MAPK10: variants seen among roughly 807,000 people sequenced by gnomAD.
MAPK10 encodes mitogen-activated protein kinase 10, also known as JNK3 alpha protein kinase.
MAPK10 carries 25 observed loss-of-function variants against 59.3 expected under a neutral mutation model. The ratio of observed to expected loss-of-function variants is 0.42; its 90% CI spans 0.31 to 0.59. MAPK10 has a LOEUF of 0.59. MAPK10 is among the 20% of genes least tolerant of loss of function. The probability of loss-of-function intolerance (pLI) is 0.15; values close to 1 mark genes in which losing one functional copy is unlikely to be tolerated. For synonymous variants in MAPK10, 190 were observed against 200.5 expected (o/e 0.95, Z 0.44); for missense variants, 351 against 568.9 (o/e 0.62, Z 3.90).
intron 2 of MAPK10, among the ~76,000 whole-genome samples, chr4:86,330,640 T>C (rs1413384637): frequency 1.3e-5 from 2 of 152,140 alleles, no homozygotes; most frequent in Non-Finnish European, 2.9e-5. Context: ...GTGAAGGATG[T>C]GTTTGCTTCC....
intron 5 of MAPK10, among the ~76,000 whole-genome samples, chr4:86,104,475 T>C (rs2056173489): frequency 1.3e-5 from 2 of 152,162 alleles, no homozygotes; most frequent in Admixed American, 1.3e-4. Context: ...GAAAAATGAC[T>C]ATGAAGTACA....
chr4:86,238,978 G>C (rs1335620365), intron 2 of MAPK10, among the ~76,000 whole-genome samples: 3 of 152,104 alleles, frequency 2.0e-5, no homozygotes, highest in Non-Finnish European at 4.4e-5. Context: ...TATTGGCTAT[G>C]GGTTTGTCAT....
chr4:86,562,374 T>C (rs1760743578), intron 1 of MAPK10, among the ~76,000 whole-genome samples: 1 of 152,246 alleles, frequency 6.6e-6, no homozygotes, highest in African/African-American at 2.4e-5. Context: ...TAACATCAGA[T>C]GCCAATCTAC....
At chr4:86,141,056 G>A (rs538904670) in intron 4 of MAPK10, among the ~76,000 whole-genome samples, 15 of 152,078 alleles carry the variant, frequency 9.9e-5, no homozygotes, top group Non-Finnish European at 1.8e-4. Flanking sequence ...ATTTTATTTA[G>A]ACATGAGGAA....
chr4:86,030,146 G>A (rs1227397329), intron 12 of MAPK10, among the ~76,000 whole-genome samples: 1 of 151,842 alleles, frequency 6.6e-6, no homozygotes, highest in Non-Finnish European at 1.5e-5. Flanking sequence ...AGCCCCTAAG[G>A]AGTGCCTTCC....
chr4:86,042,298 G>A (rs765284682), intron 11 of MAPK10, among the ~76,000 whole-genome samples: 15 of 152,172 alleles, frequency 9.9e-5, no homozygotes, highest in Non-Finnish European at 2.1e-4. Flanking sequence ...ACAGGGAGGA[G>A]AACATCACAC....
chr4:86,193,829 G>A (rs953952857), intron 3 of MAPK10: 15 of 158,098 alleles, frequency 9.5e-5, no homozygotes, highest in Non-Finnish European at 1.7e-4. Context: ...TAGCTAGCTT[G>A]GTGTCTGCCC....
At chr4:86,547,222 A>T (rs1489847555) in intron 1 of MAPK10, among the ~76,000 whole-genome samples, 1 of 152,122 alleles carries the variant, frequency 6.6e-6, no homozygotes, top group South Asian at 2.1e-4. Flanking sequence ...CTTTGGCGGC[A>T]CCTGAGGAGC....
intron 3 of MAPK10, among the ~76,000 whole-genome samples, chr4:86,174,735 C>T (rs2149268198): frequency 6.6e-6 from 1 of 152,230 alleles, no homozygotes; most frequent in African/African-American, 2.4e-5. Context: ...CCTTGCTCAC[C>T]TGAATTGGAA....
intron 1 of MAPK10, among the ~76,000 whole-genome samples, chr4:86,544,309 C>CA (rs1484304816): frequency 6.6e-6 from 1 of 152,104 alleles, no homozygotes; most frequent in Non-Finnish European, 1.5e-5. Flanking sequence ...AAATTAAAAA[C>CA]AAAAAGGCAT....
intron 1 of MAPK10, among the ~76,000 whole-genome samples, chr4:86,580,535 T>C (rs936285298): frequency 9.2e-5 from 14 of 152,206 alleles, no homozygotes; most frequent in African/African-American, 3.1e-4. Flanking sequence ...TTAATGTTCT[T>C]ACTTTGCCTT....
intron 2 of MAPK10, among the ~76,000 whole-genome samples, chr4:86,295,037 A>G (rs1271182422): frequency 1.3e-5 from 2 of 152,200 alleles, no homozygotes; most frequent in Non-Finnish European, 2.9e-5. Context: ...TGGTACAGCT[A>G]AATAAGGCCT....
chr4:86,289,211 G>A (rs534502331), intron 2 of MAPK10, among the ~76,000 whole-genome samples: 4 of 152,204 alleles, frequency 2.6e-5, no homozygotes, highest in South Asian at 2.1e-4. Flanking sequence ...GGAGATGCTC[G>A]GATGAGTGTG....
At chr4:86,295,024 G>C (rs1252826893) in intron 2 of MAPK10, among the ~76,000 whole-genome samples, 3 of 152,144 alleles carry the variant, frequency 2.0e-5, no homozygotes, top group African/African-American at 7.2e-5. Context: ...GGTATCACTC[G>C]CATGGTACAG....
In MAPK10 at chr4:86,304,884, A is replaced by G. The variant is rs567049799; in HGVS notation, c.-7+49646T>C. On this transcript the variant is annotated intron_variant, in intron 2 of 13. Coordinates refer to ENST00000641462, the MANE Select transcript of MAPK10 (RefSeq NM_138982.4). ...TACACACTTAACTCAGGAAAATCCA[A>G]TGGCCCTAATTTTCACTCAAGGGCA... is the stretch of plus-strand genomic sequence containing the variant. Among the ~76,000 whole-genome samples, 3 of 152,304 alleles carry G rather than the reference A, an allele frequency of 2.0e-5. No individual in the cohort carries two copies. In the South Asian group the frequency reaches 6.2e-4, roughly 32 times the overall value.
At chr4:86,472,580 C>T (rs1244055894) in intron 1 of MAPK10, among the ~76,000 whole-genome samples, 1 of 151,980 alleles carries the variant, frequency 6.6e-6, no homozygotes, top group Non-Finnish European at 1.5e-5. Flanking sequence ...GCAGGTTGAG[C>T]CTGCAGTGAG....
chr4:86,375,470 C>G (rs1398073095), intron 1 of MAPK10, among the ~76,000 whole-genome samples: 2 of 151,828 alleles, frequency 1.3e-5, no homozygotes, highest in Non-Finnish European at 2.9e-5. Flanking sequence ...CCTGTAATCC[C>G]AGCACTTTGG....
At chr4:86,589,877 G>A (rs1447281344) in intron 1 of MAPK10, among the ~76,000 whole-genome samples, 1 of 151,518 alleles carries the variant, frequency 6.6e-6, no homozygotes. Flanking sequence ...CCAGCTACTC[G>A]GGAGGCTGAG....
intron 2 of MAPK10, among the ~76,000 whole-genome samples, chr4:86,304,026 A>C (rs1411135902): frequency 1.3e-5 from 2 of 152,214 alleles, no homozygotes; most frequent in Non-Finnish European, 2.9e-5. Flanking sequence ...CCAAGTCTTG[A>C]ACGGTTTATT....
Sources: gnomAD v4.1 joint callset for allele counts (sites outside exome capture counted in the v4.1 genomes callset) on GRCh38, gnomAD v4.1.1 for gene constraint, MANE v1.5 for transcripts, NCBI Gene and HGNC (gene_info 2026-07-23, HGNC 2026-07-21) for gene names.